Variants in CASP6 observed in about 807,000 individuals in gnomAD.
CASP6 encodes caspase 6.
CASP6 carries 20 observed loss-of-function variants against 31.8 expected under a neutral mutation model. That is an observed-to-expected ratio of 0.63 (90% confidence interval 0.44 to 0.91). The LOEUF (loss-of-function observed/expected upper bound fraction) is 0.91. Among genes scored for constraint, CASP6 ranks in the 40% least tolerant of loss-of-function variants. CASP6 has a pLI of 0.00. For synonymous variants in CASP6, 130 were observed against 127.8 expected, an observed-to-expected ratio of 1.02 and a Z score of -0.12; for missense variants, 328 against 361.1, an observed-to-expected ratio of 0.91 and a Z score of 0.74.
At chr4:109,669,698 GTT>G in the CASP6 span, among the ~76,000 whole-genome samples, 3 of 138,908 alleles carry the variant, frequency 2.2e-5, no homozygotes, top group African/African-American at 7.8e-5. Flanking sequence ...TTCTGTTCTG[GTT>G]TTTTTTTTTT....
At chr4:109,685,023 A>C, downstream of CASP6, 1 of 411,626 alleles carries the variant, frequency 2.4e-6, no homozygotes, top group Non-Finnish European at 4.3e-6. Context: ...CTTTCCCATT[A>C]TGTGTAATTT....
chr4:109,706,134 TA>T, upstream of CASP6, among the ~76,000 whole-genome samples: 1 of 19,218 alleles, frequency 5.2e-5, no homozygotes, highest in Non-Finnish European at 1.0e-4. Context: ...ATCCATTTTA[TA>T]TATATATATA....
chr4:109,692,769 T>C (rs1730098955), intron 5 of CASP6: 1 of 152,282 alleles, frequency 6.6e-6, no homozygotes, highest in Admixed American at 6.5e-5. Context: ...TACACCTGTA[T>C]GACCAATTCC....
chr4:109,690,276 C>A (rs2126155752), intron 6 of CASP6, among the ~76,000 whole-genome samples: 1 of 150,012 alleles, frequency 6.7e-6, no homozygotes, highest in South Asian at 2.1e-4. Context: ...TGGCTCATAC[C>A]TGTACTCCCA....
At chr4:109,686,964 GT>G (rs149021049), downstream of CASP6, among the ~76,000 whole-genome samples, 26 of 148,566 alleles carry the variant, frequency 1.8e-4, no homozygotes, top group East Asian at 1.6e-3. Context: ...TAGGTTAAGG[GT>G]TTTTTTTTTA....
chr4:109,685,659 T>C (rs968143159), downstream of CASP6, among the ~76,000 whole-genome samples: 4 of 152,176 alleles, frequency 2.6e-5, no homozygotes, highest in African/African-American at 7.2e-5. Context: ...TAATAAAAAA[T>C]AGCATTTTAG....
chr4:109,667,340 A>G, the CASP6 span, among the ~76,000 whole-genome samples: 5 of 151,956 alleles, frequency 3.3e-5, no homozygotes, highest in African/African-American at 1.2e-4. Context: ...GAATTAATCT[A>G]TTTTGTCTAG....
chr4:109,707,962 T>C (rs1248938294), upstream of CASP6, among the ~76,000 whole-genome samples: 1 of 152,220 alleles, frequency 6.6e-6, no homozygotes, highest in East Asian at 1.9e-4. Context: ...TTATCTTTTG[T>C]AATTCCTCTG....
chr4:109,703,902 C>G (rs968612951), upstream of CASP6, among the ~76,000 whole-genome samples: 5 of 152,194 alleles, frequency 3.3e-5, no homozygotes, highest in South Asian at 4.1e-4. Context: ...CTTTGTGTCT[C>G]TGTGTCACAT....
the CASP6 span, among the ~76,000 whole-genome samples, chr4:109,676,249 C>G: frequency 6.6e-6 from 1 of 152,066 alleles, no homozygotes; most frequent in Non-Finnish European, 1.5e-5. Flanking sequence ...GTAGAAATAT[C>G]GATGGTAGGC....
chr4:109,666,267 C>T, the CASP6 span, among the ~76,000 whole-genome samples: 45 of 152,150 alleles, frequency 3.0e-4, no homozygotes, highest in South Asian at 6.2e-4. Context: ...AATACACATG[C>T]GCAGGCTTTT....
intron 4 of CASP6, 120 bp from the exon 5 acceptor site, chr4:109,694,820 AT>A: frequency 9.8e-7 from 1 of 1,020,116 alleles, no homozygotes; most frequent in Non-Finnish European, 1.3e-6. Context: ...GAGGAGGAAA[AT>A]TTGTGGTTTT....
the CASP6 span, among the ~76,000 whole-genome samples, chr4:109,679,367 T>G: frequency 6.6e-6 from 1 of 152,134 alleles, no homozygotes; most frequent in Non-Finnish European, 1.5e-5. Flanking sequence ...CATTGAGCAC[T>G]GAGTGAGCGA....
chr4:109,678,936 CA>C, the CASP6 span, among the ~76,000 whole-genome samples: 1 of 130,434 alleles, frequency 7.7e-6, no homozygotes, highest in African/African-American at 3.1e-5. Flanking sequence ...ACATCCCAGA[CA>C]GGGTGGCCGG....
the CASP6 span, among the ~76,000 whole-genome samples, chr4:109,679,528 C>T: frequency 6.6e-6 from 1 of 152,134 alleles, no homozygotes; most frequent in South Asian, 2.1e-4. Context: ...TGCCTGGAAT[C>T]CCAGGCACTC....
the CASP6 span, among the ~76,000 whole-genome samples, chr4:109,668,180 A>G: frequency 1.3e-5 from 2 of 152,022 alleles, no homozygotes. Context: ...GTTCAACTGT[A>G]TACCCCGTGA....
chr4:109,665,407 A>T, the CASP6 span, among the ~76,000 whole-genome samples: 2 of 152,270 alleles, frequency 1.3e-5, no homozygotes, highest in South Asian at 2.1e-4. Context: ...TGGTTTCCTT[A>T]TAGTTGTTTC....
downstream of CASP6, among the ~76,000 whole-genome samples, chr4:109,685,592 T>G (rs1374732898): frequency 6.6e-6 from 1 of 152,246 alleles, no homozygotes; most frequent in Non-Finnish European, 1.5e-5. Context: ...TAAAATTTCT[T>G]AAATGACTTG....
Position 109,697,639 on chromosome 4 carries a change from T to G in CASP6, c.213A>C (p.Arg71Ser), listed in dbSNP as rs1730287292. ...LPERRGTCAD[R>S]DNLTRRFSDL... ...ACTACTACCTGCGGGTAAGATTGTC[T>G]CTATCTGCGCAGGTGCCCCGCCTTT... Residue 71 changes from arginine (R) to serine (S), a missense_variant, in exon 3 of 7, where the codon AGA (arginine) becomes AGC (serine). Arg to Ser is a moderately radical substitution (Grantham distance 110). Coordinates refer to ENST00000265164, the MANE Select transcript of CASP6 (RefSeq NM_001226.4). 1.2e-6 allele frequency: 2 copies of G among 1,609,700 alleles called. No individual in the cohort carries two copies. Among genetic ancestry groups the G allele is most frequent in the African/African-American group, 1.3e-5 (1 of 74,796 alleles).
Sources: gnomAD v4.1 joint callset for allele counts (sites outside exome capture counted in the v4.1 genomes callset) on GRCh38, gnomAD v4.1.1 for gene constraint, MANE v1.5 for transcripts, NCBI Gene and HGNC (gene_info 2026-07-23, HGNC 2026-07-21) for gene names.